Variants in COL7A1 observed in about 807,000 individuals in gnomAD.
COL7A1 encodes the protein collagen alpha-1(VII) chain.
A neutral mutation model predicts 456.2 loss-of-function variants in COL7A1; 296 were observed. That is an observed-to-expected ratio of 0.65 (90% CI 0.59 to 0.71). COL7A1 has a LOEUF of 0.71. Ranked by LOEUF, COL7A1 falls within the 30% of genes least tolerant of loss-of-function variation. COL7A1 has a pLI of 0.00. For missense variants in COL7A1, 3,441 were observed against 4,017.2 expected, an observed-to-expected ratio of 0.86 and a Z score of 3.88; for synonymous variants, 1,464 against 1,525.9, an observed-to-expected ratio of 0.96 and a Z score of 0.95.
chr3:48,581,548 A>G lies in COL7A1; in HGVS notation c.4782+25T>C. On this transcript the variant is annotated intron_variant, in intron 50 of 118. Transcript: ENST00000681320. The surrounding 1 kb of genome is among the most constrained non-coding windows in gnomAD (Gnocchi z 5.8). ...CCACCACCTCATCTCCCTCTGTCAC[A>G]CTCCCCATTCCCACATTGATTCACC... 4.3e-6 allele frequency: 7 copies of G among 1,612,542 alleles called. No homozygotes were observed. Among genetic ancestry groups the G allele is most frequent in the Non-Finnish European group, 5.9e-6 (7 of 1,179,738 alleles).
chr3:48,575,931 C>T lies in COL7A1; in HGVS notation c.5821-29G>A, dbSNP rs777946713. On this transcript the variant is annotated intron_variant, in intron 71 of 118. Transcript: ENST00000681320. This position sits in a 1 kb window ranked among gnomAD's most constrained non-coding sequence, Gnocchi z 6.3. The stretch of plus-strand genomic sequence containing the variant: ...GGGACAAAGTCTGGGTGAAGGGCTG[C>T]CCATGACAGAGAAGCTCCTGCCTTC... 9 of 1,613,984 alleles carry T rather than the reference C, an allele frequency of 5.6e-6. No individual in the cohort carries two copies. Among genetic ancestry groups the T allele is most frequent in the East Asian group, 2.2e-5 (1 of 44,892 alleles).
chr3:48,580,345 C>G lies in COL7A1; in HGVS notation c.5053-1G>C, dbSNP rs1284013265. The G allele has an allele frequency of 6.2e-7, 1 of 1,609,206 alleles. No homozygotes were observed. The highest frequency in any genetic ancestry group is 8.5e-7 in the Non-Finnish European group (1 of 1,177,706). On this transcript the variant is annotated splice_acceptor_variant, in intron 55 of 118. Transcript: ENST00000681320. LOFTEE classifies it high-confidence loss of function. This position sits in a 1 kb window ranked among gnomAD's most constrained non-coding sequence, Gnocchi z 4.5. ...TGGGTCCAGATGATCCAGGGCTGCCCTGCAGAAAGGCAGGGGTCAGGGCCA... is the reference window on the plus strand; with the variant it reads ...TGGGTCCAGATGATCCAGGGCTGCCGTGCAGAAAGGCAGGGGTCAGGGCCA...
Position 48,570,238 on chromosome 3 carries a change from A to T in COL7A1, c.7440+37T>A. The stretch of plus-strand genomic sequence containing the variant: ...TTGGAAATCAGAGGCAAGAGCTGGG[A>T]TGAAGGGAGTTCGGCTGTGGAGTAA... On this transcript the variant is annotated intron_variant, in intron 98 of 118. Coordinates refer to ENST00000681320, the MANE Select transcript of COL7A1 (RefSeq NM_000094.4). The surrounding 1 kb of genome is among the most constrained non-coding windows in gnomAD (Gnocchi z 5.5). 1 of 1,613,912 alleles carries T rather than the reference A, an allele frequency of 6.2e-7. No individual in the cohort carries two copies.
At position 48,581,230 on chromosome 3, in the gene COL7A1, G is replaced by A. The variant is rs770039099; in HGVS notation, c.4899+30C>T. 88 of 1,611,840 alleles carry A rather than the reference G, an allele frequency of 5.5e-5. No homozygotes were observed. The highest frequency in any genetic ancestry group is 1.4e-4 in the South Asian group (13 of 90,914). On this transcript the variant is annotated intron_variant, in intron 52 of 118. Transcript: ENST00000681320. This position sits in a 1 kb window ranked among gnomAD's most constrained non-coding sequence, Gnocchi z 5.8. ...TGGCAACAGCCCTACTCCCTTACCC[G>A]CCATGACTCCCCCGACTCCAGCCTC...
At position 48,590,772 on chromosome 3, in the gene COL7A1, C is replaced by T. The variant is rs1320589494; in HGVS notation, c.1681G>A (p.Asp561Asn). ...AGCCCAGCCTGAACGTCATCCAAGT[C>T]GAATGCTGTCTGACTCCCAGGAAGC... ...LVLPGSQTAFDLDDVQAGLSY... is the reference protein window; with the variant it reads ...LVLPGSQTAFNLDDVQAGLSY... Residue 561 changes from aspartate (D) to asparagine (N), a missense_variant, in exon 14 of 119, where the codon GAC becomes AAC. By Grantham distance (23) the Asp-to-Asn change is conservative (BLOSUM62 1). This residue lies in a region of COL7A1 where 913 missense variants were observed against 1,088.2 expected (regional missense o/e 0.84). Coordinates refer to ENST00000681320, the MANE Select transcript of COL7A1 (RefSeq NM_000094.4). The surrounding 1 kb of genome is among the most constrained non-coding windows in gnomAD (Gnocchi z 4.6). The T allele has an allele frequency of 5.0e-6, 8 of 1,613,922 alleles. No individual in the cohort carries two copies. The highest frequency in any genetic ancestry group is 1.3e-5 in the African/African-American group (1 of 75,034).
Position 48,568,325 on chromosome 3 carries a change from C to A in COL7A1, c.7795-155G>T. The A allele has an allele frequency of 9.4e-7, 1 of 1,060,308 alleles. No individual in the cohort carries two copies. The highest frequency in any genetic ancestry group is 2.0e-5 in the Admixed American group (1 of 50,170). The allele number at this position is 1,060,308 out of a possible 1,614,324, so 65.7% of individuals were successfully genotyped here. ...CCATGGGGACAAGGGTCACCATAGG[C>A]AGGGGACACCATCATAGGCGGCTAC... On this transcript the variant is annotated intron_variant, in intron 105 of 118. Transcript: ENST00000681320. The surrounding 1 kb of genome is among the most constrained non-coding windows in gnomAD (Gnocchi z 5.2).
chr3:48,567,002 AG>A lies in COL7A1; in HGVS notation c.8130del (p.Phe2711SerfsTer75). 1 of 1,612,754 alleles carries A rather than the reference AG, an allele frequency of 6.2e-7. No individual in the cohort carries two copies. The highest frequency in any genetic ancestry group is 8.5e-7 in the Non-Finnish European group (1 of 1,179,012). On this transcript the variant is annotated frameshift_variant, in exon 111 of 119. Coordinates refer to ENST00000681320, the MANE Select transcript of COL7A1 (RefSeq NM_000094.4). LOFTEE classifies it high-confidence loss of function. The surrounding 1 kb of genome is among the most constrained non-coding windows in gnomAD (Gnocchi z 4.3). Reference sequence around the variant, plus strand: ...CCATCATTTCCACTGGGGCCTGGGAAGCCCCCAATTCCTGGGGTTCCCTGGG... The same window carrying A: ...CCATCATTTCCACTGGGGCCTGGGAACCCCCAATTCCTGGGGTTCCCTGGG... ...KGERGTPGIGGFPGPSGNDGS... is the reference protein window; with the variant it reads ...KGERGTPGIGXFPGPSGNDGS...
rs1019250859 is a variant in COL7A1 at position 48,584,280 on chromosome 3, C to T, written c.4197+18G>A. 3.1e-6 allele frequency: 5 copies of T among 1,596,976 alleles called. No individual in the cohort carries two copies. In the African/African-American group the frequency reaches 5.4e-5, roughly 17 times the overall value. ...GTCACCAGGTCTCTGCATCACATGG[C>T]ACTCATGAGGCTGTCACCTTCATGG... On this transcript the variant is annotated intron_variant, in intron 37 of 118. Transcript: ENST00000681320.
chr3:48,581,622 C>A lies in COL7A1; in HGVS notation c.4733G>T (p.Gly1578Val). 1.9e-6 allele frequency: 3 copies of A among 1,614,192 alleles called. No individual in the cohort carries two copies. The highest frequency in any genetic ancestry group is 2.5e-6 in the Non-Finnish European group (3 of 1,180,030). ...GCCAGGGTCTCCAGGAAGAACCAAG[C>A]CGGGTGGGCCCTGTGGATGGAAGGA... is the stretch of plus-strand genomic sequence containing the variant. ...TGVQGERGPPGLVLPGDPGPK... is the reference protein window; with the variant it reads ...TGVQGERGPPVLVLPGDPGPK... The change falls in exon 50 of 119, where the codon GGC becomes GTC. Residue 1578 changes from glycine to valine, a missense_variant. Physicochemically the swap from Gly to Val is moderately radical, Grantham distance 109. Around this residue, in one of 3 missense-constraint regions of COL7A1, gnomAD observed 2,084 missense variants for 2,501.3 expected, o/e 0.83. Coordinates refer to ENST00000681320, the MANE Select transcript of COL7A1 (RefSeq NM_000094.4). The surrounding 1 kb of genome is among the most constrained non-coding windows in gnomAD (Gnocchi z 5.8).
rs1278674771 is a variant in COL7A1, at chr3:48,583,450, G to T, written c.4402-22C>A. ...GGCCCTGGAAGGGATGAATTTGGGGGTTCAGAGATTTGGGTTTGGGCATGA... is the reference window on the plus strand; with the variant it reads ...GGCCCTGGAAGGGATGAATTTGGGGTTTCAGAGATTTGGGTTTGGGCATGA... On this transcript the variant is annotated intron_variant, in intron 41 of 118. Coordinates refer to ENST00000681320, the MANE Select transcript of COL7A1 (RefSeq NM_000094.4). The surrounding 1 kb of genome is among the most constrained non-coding windows in gnomAD (Gnocchi z 5.1). The T allele has an allele frequency of 5.0e-6, 8 of 1,614,052 alleles. No homozygotes were observed. In the East Asian group the frequency reaches 1.8e-4, roughly 36 times the overall value.
In COL7A1 at chr3:48,592,020, C is replaced by T. The variant is rs535396661; in HGVS notation, c.1241-6G>A. Reference sequence around the variant, plus strand: ...GGTCTGCTCAACAGAAGCGTCTGCCCAGGGCACATGGGATGTCAGTGGCCT... The same window carrying T: ...GGTCTGCTCAACAGAAGCGTCTGCCTAGGGCACATGGGATGTCAGTGGCCT... On this transcript the variant is annotated splice_region_variant and splice_polypyrimidine_tract_variant and intron_variant, in intron 10 of 118. Coordinates refer to ENST00000681320, the MANE Select transcript of COL7A1 (RefSeq NM_000094.4). This position sits in a 1 kb window ranked among gnomAD's most constrained non-coding sequence, Gnocchi z 7.6. The T allele has an allele frequency of 6.2e-7, 1 of 1,614,212 alleles. No homozygotes were observed. Among genetic ancestry groups the T allele is most frequent in the East Asian group, 2.2e-5 (1 of 44,884 alleles).
chr3:48,587,810 T>G lies in COL7A1; in HGVS notation c.2840A>C (p.Glu947Ala). 1.2e-5 allele frequency: 20 copies of G among 1,613,346 alleles called. No individual in the cohort carries two copies. The highest frequency in any genetic ancestry group is 1.6e-5 in the Non-Finnish European group (19 of 1,179,960). ...LGPAGEGPSAEVTARTESPRV... is the reference protein window; with the variant it reads ...LGPAGEGPSAAVTARTESPRV... ...AGGCTTACCAGTGCGCGCAGTCACC[T>G]CTGCAGAGGGCCCTTCTCCAGCTGG... Residue 947 changes from glutamate (E) to alanine (A), a missense_variant, in exon 22 of 119, where the codon GAG becomes GCG. By Grantham distance (107) the Glu-to-Ala change is moderately radical. Around this residue, in one of 3 missense-constraint regions of COL7A1, gnomAD observed 444 missense variants for 427.6 expected, o/e 1.04. Transcript: ENST00000681320. The surrounding 1 kb of genome is among the most constrained non-coding windows in gnomAD (Gnocchi z 6.1).
Position 48,595,033 on chromosome 3 carries a change from C to T in COL7A1, c.85+42G>A, listed in dbSNP as rs766515834. On this transcript the variant is annotated intron_variant, in intron 2 of 118. Coordinates refer to ENST00000681320, the MANE Select transcript of COL7A1 (RefSeq NM_000094.4). ...AGGCCGAGTGGAGCGGAGGGTGGCA[C>T]GGTGCAGTGCCCCGGGCCGGGTCCT... is the stretch of plus-strand genomic sequence containing the variant. 4.1e-6 allele frequency: 6 copies of T among 1,473,552 alleles called. No homozygotes were observed. The African/African-American group carries it at 4.2e-5, about 10-fold the overall frequency. 91.3% of individuals were successfully genotyped at this position (1,473,552 alleles called of 1,614,324 possible).
rs2045303552 is a variant in COL7A1 at position 48,586,885 on chromosome 3, A to G, written c.3276+87T>C. 1.3e-6 allele frequency: 2 copies of G among 1,541,544 alleles called. No homozygotes were observed. The highest frequency in any genetic ancestry group is 1.8e-6 in the Non-Finnish European group (2 of 1,138,990). ...GAGAGCTGGGAGAATGCCTGAACCT[A>G]TTGGGTGGTCAGGAGATGGTAACTG... On this transcript the variant is annotated intron_variant, in intron 25 of 118. Transcript: ENST00000681320. The surrounding 1 kb of genome is among the most constrained non-coding windows in gnomAD (Gnocchi z 5.1).
At chr3:48,595,223 G>A (rs2046000774) in intron 1 of COL7A1, 45 bp downstream of exon 1, 2 of 1,379,314 alleles carry the variant, frequency 1.5e-6, no homozygotes, top group Non-Finnish European at 2.0e-6. Flanking sequence ...CGTGGCCTTG[G>A]CAGGTCCGAG....
rs759246684 is a variant in COL7A1 at position 48,574,125 on chromosome 3, ACAAG to A, written c.6501+133_6501+136del. 1.4e-4 allele frequency: 165 copies of A among 1,216,132 alleles called. No individual in the cohort carries two copies. Among genetic ancestry groups the A allele is most frequent in the Admixed American group, 5.3e-4 (30 of 56,856 alleles). The allele number at this position is 1,216,132 out of a possible 1,614,324, so 75.3% of individuals were successfully genotyped here. A position where few individuals can be genotyped will look rare whatever the true frequency, so the allele number is the denominator to read the frequency against. ...CAGGCACACACAGACACAGGCACAC[ACAAG>A]CAGGCACACACAGAGAGGCACACAG... On this transcript the variant is annotated intron_variant, in intron 80 of 118. Transcript: ENST00000681320. The surrounding 1 kb of genome is among the most constrained non-coding windows in gnomAD (Gnocchi z 5.0).
rs2043919995 is a variant in COL7A1, at chr3:48,571,550, T to C, written c.7069-272A>G. The C allele has an allele frequency of 1.4e-6, 1 of 691,336 alleles. No homozygotes were observed. Among genetic ancestry groups the C allele is most frequent in the Non-Finnish European group, 2.7e-6 (1 of 369,074 alleles). 42.8% of individuals were successfully genotyped at this position (691,336 alleles called of 1,614,324 possible). A position where few individuals can be genotyped will look rare whatever the true frequency, so the allele number is the denominator to read the frequency against. ...GAGCCCACACGCGAGTGCAGACATC[T>C]GGCTCCACAGACGTGAGTGCGGACA... On this transcript the variant is annotated intron_variant, in intron 92 of 118. Coordinates refer to ENST00000681320, the MANE Select transcript of COL7A1 (RefSeq NM_000094.4). The surrounding 1 kb of genome is among the most constrained non-coding windows in gnomAD (Gnocchi z 4.6).
rs1262428037 is a variant in COL7A1 at position 48,595,285 on chromosome 3, CCCG to C, written c.-22_-20del. ...GGTCTTGCCTGCGCGTCCGCCCGCT[CCCG>C]CCGCCGCCGCTGCAGTCTCTCGGGC... On this transcript the variant is annotated 5_prime_UTR_variant, in exon 1 of 119. Coordinates refer to ENST00000681320, the MANE Select transcript of COL7A1 (RefSeq NM_000094.4). The C allele has an allele frequency of 3.7e-5, 28 of 748,150 alleles. No individual in the cohort carries two copies. The highest frequency in any genetic ancestry group is 5.4e-5 in the East Asian group (2 of 36,756). 46.3% of individuals were successfully genotyped at this position (748,150 alleles called of 1,614,324 possible). A position where few individuals can be genotyped will look rare whatever the true frequency, so the allele number is the denominator to read the frequency against.
Position 48,567,714 on chromosome 3 carries a change from T to G in COL7A1, c.7979A>C (p.Glu2660Ala), listed in dbSNP as rs760501287. Residue 2660 changes from glutamate (E) to alanine (A), a missense_variant, in exon 108 of 119, where the codon GAG becomes GCG. By Grantham distance (107) the Glu-to-Ala change is moderately radical. Coordinates refer to ENST00000681320, the MANE Select transcript of COL7A1 (RefSeq NM_000094.4). This position sits in a 1 kb window ranked among gnomAD's most constrained non-coding sequence, Gnocchi z 4.3. ...TCTGAGCGTGCCCACACTCACCATC[T>G]CTCCTTTGTGTCCTGCCAGCCCGGG... Reference protein sequence around the residue: ...GRPGLAGHKGEMGEPGVPGQS... With the variant: ...GRPGLAGHKGAMGEPGVPGQS... 1 of 1,613,340 alleles carries G rather than the reference T, an allele frequency of 6.2e-7. No individual in the cohort carries two copies. The highest frequency in any genetic ancestry group is 2.2e-5 in the East Asian group (1 of 44,828).
Sources: gnomAD v4.1 joint callset for allele counts on GRCh38, gnomAD v4.1.1 for gene constraint, gnomAD v4.1.1 regional missense constraint, Gnocchi (gnomAD v3.1) non-coding constraint, MANE v1.5 for transcripts, NCBI Gene and HGNC (gene_info 2026-07-23, HGNC 2026-07-21) for gene names.